The following ITGB1BP1 variants were observed in gnomAD, a reference collection of about 807,000 sequenced individuals.
ITGB1BP1 encodes integrin subunit beta 1 binding protein 1.
Under a neutral mutation model 28.0 loss-of-function variants are expected in ITGB1BP1, and 20 were observed. The observed-to-expected ratio is 0.71, with a 90% CI of 0.50 to 1.04. The LOEUF (loss-of-function observed/expected upper bound fraction) is 1.04, where lower values mean the gene tolerates loss of function less well. Among genes scored for constraint, ITGB1BP1 ranks in the 50% least tolerant of loss-of-function variants. The pLI is 0.00. For missense variants in ITGB1BP1, 228 were observed against 242.5 expected (o/e 0.94, Z 0.40); for synonymous variants, 103 against 89.5 (o/e 1.15, Z -0.85).
intron 1 of ITGB1BP1, chr2:9,422,381 GC>G: frequency 5.1e-6 from 5 of 984,088 alleles, no homozygotes; most frequent in Non-Finnish European, 6.0e-6. Flanking sequence ...TCTCAGCAAG[GC>G]AAAGCTGCTC....
At chr2:9,420,957 A>C (rs1679763759) in intron 1 of ITGB1BP1, among the ~76,000 whole-genome samples, 1 of 152,078 alleles carries the variant, frequency 6.6e-6, no homozygotes, top group Non-Finnish European at 1.5e-5. Flanking sequence ...GCAAAGGGGA[A>C]CCTTACCAGC....
At chr2:9,420,428 G>A (rs914360254) in intron 1 of ITGB1BP1, 23 of 152,254 alleles carry the variant, frequency 1.5e-4, no homozygotes, top group African/African-American at 5.3e-4. Context: ...CCTGTTCTTA[G>A]CGAGAGTAGA....
At chr2:9,422,388 T>C in intron 1 of ITGB1BP1, 1 of 985,244 alleles carries the variant, frequency 1.0e-6, no homozygotes, top group Non-Finnish European at 1.2e-6. Context: ...AAGGCAAAGC[T>C]GCTCCTGGTT....
intron 4 of ITGB1BP1, among the ~76,000 whole-genome samples, chr2:9,411,675 A>G (rs902304965): frequency 5.9e-5 from 9 of 151,726 alleles, no homozygotes; most frequent in African/African-American, 1.9e-4. Context: ...GAGAGCCGAG[A>G]TTGCACCACT....
chr2:9,418,542 G>A (rs544317283), intron 2 of ITGB1BP1, 84 bp downstream of exon 2: 35 of 931,418 alleles, frequency 3.8e-5, no homozygotes, highest in African/African-American at 2.3e-4. Flanking sequence ...ATCTGCCCAC[G>A]GTCAGTATCC....
rs745426916 is a variant in ITGB1BP1 at position 9,418,724 on chromosome 2, G to A, written c.-27C>T. ...TTTCACCACCATTGCTTGATCCAGA[G>A]AAGATCCCCTGAAAAAACAAATATT... On this transcript the variant is annotated 5_prime_UTR_variant, in exon 2 of 7. Transcript: ENST00000355346. The A allele has an allele frequency of 6.2e-7, 1 of 1,609,584 alleles. No homozygotes were observed. The highest frequency in any genetic ancestry group is 1.3e-5 in the African/African-American group (1 of 74,716).
chr2:9,403,545 A>G lies in ITGB1BP1; in HGVS notation c.*3289T>C. ...AACATTGCTATGCATTTATTAGGAA[A>G]AACTGAATTTCCCAACAGGTGAACT... On this transcript the variant is annotated 3_prime_UTR_variant, in exon 7 of 7. Coordinates refer to ENST00000355346, the MANE Select transcript of ITGB1BP1 (RefSeq NM_004763.5). The G allele has an allele frequency of 3.8e-6, 2 of 519,766 alleles. No homozygotes were observed. The highest frequency in any genetic ancestry group is 2.9e-5 in the South Asian group (1 of 34,140). 32.2% of individuals were successfully genotyped at this position (519,766 alleles called of 1,614,324 possible). A position where few individuals can be genotyped will look rare whatever the true frequency, so the allele number is the denominator to read the frequency against.
chr2:9,423,049 AG>A (rs1680091909), intron 1 of ITGB1BP1: 1 of 997,840 alleles, frequency 1.0e-6, no homozygotes, highest in South Asian at 4.0e-5. Context: ...CCCGACCCTG[AG>A]AGGCGGGAGG....
At chr2:9,409,884 G>A (rs547794335) in intron 4 of ITGB1BP1, among the ~76,000 whole-genome samples, 141 of 122,102 alleles carry the variant, frequency 1.2e-3, no homozygotes, top group Middle Eastern at 7.0e-3. Context: ...TGCTCTTGTT[G>A]CCCAGGCTGG....
At position 9,423,400 on chromosome 2, in the gene ITGB1BP1, T is replaced by C; in HGVS notation, c.-63A>G. 1 of 1,142,838 alleles carries C rather than the reference T, an allele frequency of 8.8e-7. No individual in the cohort carries two copies. Among genetic ancestry groups the C allele is most frequent in the South Asian group, 1.7e-5 (1 of 58,626 alleles). 70.8% of individuals were successfully genotyped at this position (1,142,838 alleles called of 1,614,324 possible). ...CGCAGCCGCGGGCCCATCCCCGGGT[T>C]GCGGACTTCGGGGTCCGCGTGGGAG... On this transcript the variant is annotated 5_prime_UTR_variant, in exon 1 of 7. Transcript: ENST00000355346.
In ITGB1BP1 at chr2:9,405,234, A is replaced by T. The variant is rs1677117135; in HGVS notation, c.*1600T>A. On this transcript the variant is annotated 3_prime_UTR_variant, in exon 7 of 7. Transcript: ENST00000355346. ...TACCAGAGGAGAAATTATATTAACG[A>T]CCCTGCTAATATCCTTTCTTAGTTA... The T allele has an allele frequency of 6.6e-6, 1 of 152,216 alleles. No homozygotes were observed. Among genetic ancestry groups the T allele is most frequent in the African/African-American group, 2.4e-5 (1 of 41,442 alleles). 9.4% of individuals were successfully genotyped at this position (152,216 alleles called of 1,614,324 possible).
rs907338178 is a variant in ITGB1BP1 at position 9,407,546 on chromosome 2, T to C, written c.434A>G (p.Asp145Gly). ...LYLIIRMVCY[D>G]DGLGAGKSLL... ...GCTTTTTCCCGCCCCCAGACCGTCA[T>C]CGTAACACACCATCCGGATTATTAA... Residue 145 changes from aspartate to glycine, a missense_variant, in exon 6 of 7, where the codon GAT becomes GGT. Coordinates refer to ENST00000355346, the MANE Select transcript of ITGB1BP1 (RefSeq NM_004763.5). The C allele has an allele frequency of 6.2e-7, 1 of 1,614,018 alleles. No homozygotes were observed. Among genetic ancestry groups the C allele is most frequent in the African/African-American group, 1.3e-5 (1 of 74,890 alleles).
At chr2:9,410,565 G>A (rs1323158688) in intron 4 of ITGB1BP1, among the ~76,000 whole-genome samples, 2 of 152,078 alleles carry the variant, frequency 1.3e-5, no homozygotes, top group South Asian at 2.1e-4. Flanking sequence ...TCAGCCTCCC[G>A]AGTAGCTGGG....
At chr2:9,420,910 T>A (rs11693161) in intron 1 of ITGB1BP1, among the ~76,000 whole-genome samples, 33,934 of 151,968 alleles carry the variant, frequency 0.22, 4,201 homozygotes, top group African/African-American at 0.32. Flanking sequence ...GGGTAAAAAG[T>A]GAGAGATGTG....
chr2:9,422,559 C>G, intron 1 of ITGB1BP1: 1 of 985,510 alleles, frequency 1.0e-6, no homozygotes. Context: ...AGTGTACCCC[C>G]TGATCACAGC....
At chr2:9,418,775 A>AATTT in intron 1 of ITGB1BP1, 43 bp from the exon 2 acceptor site, 1 of 1,315,074 alleles carries the variant, frequency 7.6e-7, no homozygotes, top group Non-Finnish European at 1.1e-6. Flanking sequence ...GGGAAAAGCA[A>AATTT]CTTTTTTTTT....
intron 5 of ITGB1BP1, chr2:9,407,904 G>GC (rs1677761249): frequency 5.3e-6 from 3 of 567,110 alleles, no homozygotes; most frequent in South Asian, 2.3e-5. Context: ...GGGTGGGGGG[G>GC]GCAGGTTGCA....
rs1363795429 is a variant in ITGB1BP1 at position 9,404,309 on chromosome 2, C to T, written c.*2525G>A. The T allele has an allele frequency of 6.6e-6, 1 of 152,224 alleles. No individual in the cohort carries two copies. The highest frequency in any genetic ancestry group is 2.4e-5 in the African/African-American group (1 of 41,458). The allele number at this position is 152,224 out of a possible 1,614,324, so 9.4% of individuals were successfully genotyped here. On this transcript the variant is annotated 3_prime_UTR_variant, in exon 7 of 7. Transcript: ENST00000355346. ...TACTCCAACAGGAATGGTAGTCACA[C>T]TGTCTTGAAATTGAATCTGTCCATC...
rs1476687384 is a variant in ITGB1BP1, at chr2:9,405,343, G to T, written c.*1491C>A. On this transcript the variant is annotated 3_prime_UTR_variant, in exon 7 of 7. Coordinates refer to ENST00000355346, the MANE Select transcript of ITGB1BP1 (RefSeq NM_004763.5). ...TTTATATTTAAAGTTTATGTTTCATGAACTGCAGCTGCAGGATTCTGGCAT... is the reference window on the plus strand; with the variant it reads ...TTTATATTTAAAGTTTATGTTTCATTAACTGCAGCTGCAGGATTCTGGCAT... The T allele has an allele frequency of 6.6e-6, 1 of 152,596 alleles. No individual in the cohort carries two copies. Among genetic ancestry groups the T allele is most frequent in the South Asian group, 2.1e-4 (1 of 4,830 alleles). The allele number at this position is 152,596 out of a possible 1,614,324, so 9.5% of individuals were successfully genotyped here.
Sources: allele counts gnomAD v4.1 joint callset (sites outside exome capture counted in the v4.1 genomes callset), GRCh38; gene constraint gnomAD v4.1.1; transcripts MANE v1.5; gene names NCBI Gene and HGNC (gene_info 2026-07-23, HGNC 2026-07-21).